Variants in DENND5A observed in about 807,000 individuals in gnomAD.
The protein encoded by DENND5A is DENN domain containing 5A, also known as DENN domain-containing protein 5A.
A neutral mutation model predicts 140.3 loss-of-function variants in DENND5A; 64 were observed. The ratio of observed to expected loss-of-function variants is 0.46; its 90% CI spans 0.37 to 0.56. The LOEUF (loss-of-function observed/expected upper bound fraction) is 0.56, where lower values mean the gene tolerates loss of function less well. Among genes scored for constraint, DENND5A ranks in the 20% least tolerant of loss-of-function variants. DENND5A has a pLI of 0.00. For missense variants in DENND5A, 1,292 were observed against 1,593.8 expected (o/e 0.81, Z 3.22); for synonymous variants, 605 against 607.7 (o/e 1.00, Z 0.07).
intron 12 of DENND5A, among the ~76,000 whole-genome samples, chr11:9,156,351 T>G (rs1407705004): frequency 6.6e-6 from 1 of 152,200 alleles, no homozygotes; most frequent in Non-Finnish European, 1.5e-5. Context: ...CCCATTATTT[T>G]GCACTGGTTT....
At chr11:9,202,162 G>A (rs927319630) in intron 4 of DENND5A, among the ~76,000 whole-genome samples, 3 of 152,102 alleles carry the variant, frequency 2.0e-5, no homozygotes, top group Non-Finnish European at 4.4e-5. Context: ...TAACTTGCTT[G>A]TACTCTTCAA....
At chr11:9,175,400 C>T (rs1180088471) in intron 8 of DENND5A, 5 of 152,104 alleles carry the variant, frequency 3.3e-5, no homozygotes, top group South Asian at 2.1e-4. Context: ...TCAGAAGACT[C>T]GGTACTGTTA....
At chr11:9,233,912 T>A (rs1850883798) in intron 1 of DENND5A, among the ~76,000 whole-genome samples, 1 of 152,166 alleles carries the variant, frequency 6.6e-6, no homozygotes, top group African/African-American at 2.4e-5. Context: ...GTGCAGTGGC[T>A]CAGGCCTGTA....
In DENND5A at chr11:9,203,951, G is replaced by A. The variant is rs781047379; in HGVS notation, c.658C>T (p.Arg220Trp). 16 of 1,613,988 alleles carry A rather than the reference G, an allele frequency of 9.9e-6. No homozygotes were observed. Among genetic ancestry groups the A allele is most frequent in the African/African-American group, 2.7e-5 (2 of 74,900 alleles). ...TGGTGGAGTTGCTCCAGCACGCTCC[G>A]ACATGCCTTCATGAAAGACATGGGT... ...ITPMSFMKAC[R>W]SVLEQLHQAV... The change falls in exon 4 of 23, where the codon CGG (arginine) becomes TGG (tryptophan). Residue 220 changes from arginine to tryptophan, a missense_variant. Transcript: ENST00000328194.
At chr11:9,172,634 T>C (rs553628224) in intron 8 of DENND5A, among the ~76,000 whole-genome samples, 11 of 152,316 alleles carry the variant, frequency 7.2e-5, no homozygotes, top group African/African-American at 1.9e-4. Flanking sequence ...TTCTCTCTCC[T>C]GCTGTGCTGT....
At position 9,203,830 on chromosome 11, in the gene DENND5A, A is replaced by C; in HGVS notation, c.779T>G (p.Leu260Trp). 1 of 1,614,166 alleles carries C rather than the reference A, an allele frequency of 6.2e-7. No homozygotes were observed. Among genetic ancestry groups the C allele is most frequent in the Non-Finnish European group, 8.5e-7 (1 of 1,180,018 alleles). The change falls in exon 4 of 23, where the codon TTG (leucine) becomes TGG (tryptophan). Residue 260 changes from leucine (L) to tryptophan (W), a missense_variant. Around this residue, in one of 4 missense-constraint regions of DENND5A, gnomAD observed 566 missense variants for 650.4 expected, o/e 0.87. Transcript: ENST00000328194. ...EVPLPPPGRS[L>W]KFSGVYGPII... is the part of the protein sequence containing the mutation. ...TGGCCCATAGACCCCAGAAAACTTC[A>C]AGGACCGGCCAGGAGGTGGGAGCGG...
chr11:9,167,387 T>G (rs541815587), intron 10 of DENND5A, among the ~76,000 whole-genome samples: 1 of 149,834 alleles, frequency 6.7e-6, no homozygotes, highest in East Asian at 2.0e-4. Context: ...GCCCACAGCC[T>G]CCTTTACACA....
At chr11:9,240,728 T>C (rs1248939329) in intron 1 of DENND5A, among the ~76,000 whole-genome samples, 1 of 150,604 alleles carries the variant, frequency 6.6e-6, no homozygotes, top group Non-Finnish European at 1.5e-5. Flanking sequence ...AAAAAAGAAC[T>C]GAAGAACTGA....
At chr11:9,178,083 A>G in intron 8 of DENND5A, 49 bp downstream of exon 8, 1 of 1,269,806 alleles carries the variant, frequency 7.9e-7, no homozygotes, top group Non-Finnish European at 1.2e-6. Flanking sequence ...GGGACATGTT[A>G]ATGCCATAAT....
intron 10 of DENND5A, among the ~76,000 whole-genome samples, chr11:9,166,429 T>C (rs886307146): frequency 6.6e-6 from 1 of 152,164 alleles, no homozygotes; most frequent in African/African-American, 2.4e-5. Context: ...TAGTTAGGAA[T>C]AGAAAATTTT....
At chr11:9,220,351 C>G (rs1850261203) in intron 1 of DENND5A, among the ~76,000 whole-genome samples, 2 of 152,016 alleles carry the variant, frequency 1.3e-5, no homozygotes, top group African/African-American at 4.8e-5. Flanking sequence ...AGTTCAAGAC[C>G]AGTCTGACCA....
intron 8 of DENND5A, chr11:9,177,780 G>T: frequency 5.8e-6 from 1 of 172,288 alleles, no homozygotes; most frequent in Non-Finnish European, 1.2e-5. Flanking sequence ...AGGATTCACT[G>T]AATAAAAAGA....
At chr11:9,187,432 A>AT (rs2136187290) in intron 5 of DENND5A, among the ~76,000 whole-genome samples, 1 of 152,266 alleles carries the variant, frequency 6.6e-6, no homozygotes, top group African/African-American at 2.4e-5. Context: ...GATCACATGG[A>AT]TCCCCCAAAT....
At chr11:9,197,640 G>C (rs1209139667) in intron 4 of DENND5A, among the ~76,000 whole-genome samples, 1 of 147,982 alleles carries the variant, frequency 6.8e-6, no homozygotes, top group African/African-American at 2.5e-5. Context: ...AGCTATAGGG[G>C]GCTGAGATCG....
chr11:9,239,654 G>T (rs1851152439), intron 1 of DENND5A, among the ~76,000 whole-genome samples: 1 of 151,884 alleles, frequency 6.6e-6, no homozygotes, highest in African/African-American at 2.4e-5. Flanking sequence ...TAGAGACGAG[G>T]TCTTGCTATG....
chr11:9,150,840 T>C, intron 13 of DENND5A, 76 bp from the exon 14 acceptor site: 1 of 853,392 alleles, frequency 1.2e-6, no homozygotes, highest in South Asian at 1.6e-5. Context: ...TTACCTTAAA[T>C]CACAAATTGC....
chr11:9,196,416 TC>T (rs1849330862), intron 4 of DENND5A, among the ~76,000 whole-genome samples: 1 of 152,152 alleles, frequency 6.6e-6, no homozygotes, highest in Admixed American at 6.6e-5. Flanking sequence ...CCATTTGTGT[TC>T]TTTTTGAAAA....
At chr11:9,217,469 T>C (rs908428827) in intron 1 of DENND5A, among the ~76,000 whole-genome samples, 2 of 146,158 alleles carry the variant, frequency 1.4e-5, no homozygotes, top group Non-Finnish European at 3.1e-5. Context: ...AGCCGAGATC[T>C]CACCACTGCA....
Position 9,193,515 on chromosome 11 carries a change from T to C in DENND5A, c.1116A>G (p.Ser372=). 1.9e-6 allele frequency: 3 copies of C among 1,610,936 alleles called. No homozygotes were observed. Among genetic ancestry groups the C allele is most frequent in the Non-Finnish European group, 2.5e-6 (3 of 1,178,756 alleles). Residue 372 remains serine (S), a synonymous_variant, in exon 5 of 23, where the codon TCA becomes TCG. Coordinates refer to ENST00000328194, the MANE Select transcript of DENND5A (RefSeq NM_015213.4). ...GLHSNGLDDR[S]KLELPQEANL... ...TCACCTCTTGAGGCAGCTCCAGCTT[T>C]GACCGGTCATCCAGGCCATTGGAAT...
Sources: gnomAD v4.1 joint callset for allele counts (sites outside exome capture counted in the v4.1 genomes callset) on GRCh38, gnomAD v4.1.1 for gene constraint, gnomAD v4.1.1 regional missense constraint, MANE v1.5 for transcripts, NCBI Gene and HGNC (gene_info 2026-07-23, HGNC 2026-07-21) for gene names.